The following CARD8 variants were observed in gnomAD, a reference collection of about 807,000 sequenced individuals.
The protein encoded by CARD8 is caspase recruitment domain-containing protein 8.
Under a neutral mutation model 53.2 loss-of-function variants are expected in CARD8, and 38 were observed. The observed-to-expected ratio is 0.71, with a 90% confidence interval of 0.55 to 0.94. The LOEUF (loss-of-function observed/expected upper bound fraction) is 0.94. CARD8 is among the 40% of genes least tolerant of loss of function. The pLI is 0.00. For missense variants in CARD8, 561 were observed against 655.5 expected (o/e 0.86, Z 1.57); for synonymous variants, 245 against 244.9 (o/e 1.00, Z 0.00).
chr19:48,238,541 A>T lies in CARD8; in HGVS notation c.60-9T>A. 6.5e-7 allele frequency: 1 copy of T among 1,536,104 alleles called. No homozygotes were observed. Among genetic ancestry groups the T allele is most frequent in the Non-Finnish European group, 8.7e-7 (1 of 1,146,830 alleles). ...TACTGGATCCACTGTCCCTGGGAAA[A>T]CACAAATGGAATTGGAATGTGAGCA... On this transcript the variant is annotated splice_polypyrimidine_tract_variant and intron_variant, in intron 4 of 13. Coordinates refer to ENST00000651546, the MANE Select transcript of CARD8 (RefSeq NM_001184900.3).
intron 12 of CARD8, 130 bp downstream of exon 12, chr19:48,218,741 T>C: frequency 9.7e-7 from 1 of 1,033,902 alleles, no homozygotes; most frequent in East Asian, 2.4e-5. Flanking sequence ...TCCATGTGTT[T>C]TAACACTGAC....
rs965708817 is a variant in CARD8 at position 48,249,536 on chromosome 19, C to T, written c.-57G>A. 6.6e-6 allele frequency: 1 copy of T among 152,274 alleles called. No individual in the cohort carries two copies. The highest frequency in any genetic ancestry group is 2.4e-5 in the African/African-American group (1 of 41,426). The allele number at this position is 152,274 out of a possible 1,614,324, so 9.4% of individuals were successfully genotyped here. A position where few individuals can be genotyped will look rare whatever the true frequency, so the allele number is the denominator to read the frequency against. The stretch of plus-strand genomic sequence containing the variant: ...TTTCCTACTCACATTGAAGATGGCC[C>T]AGATGCTTGCACTAACCGCGTTTAC... On this transcript the variant is annotated 5_prime_UTR_variant, in exon 3 of 14. Coordinates refer to ENST00000651546, the MANE Select transcript of CARD8 (RefSeq NM_001184900.3).
chr19:48,231,623 G>A (rs1172946518), intron 8 of CARD8, 37 bp downstream of exon 8: 1 of 1,553,856 alleles, frequency 6.4e-7, no homozygotes, highest in African/African-American at 1.4e-5. Flanking sequence ...CTTTATATCA[G>A]AGTGGTTTTC....
chr19:48,204,408 G>A (rs2015209), downstream of CARD8, among the ~76,000 whole-genome samples: 55,072 of 151,632 alleles, frequency 0.36, 10,148 homozygotes, highest in East Asian at 0.52. Context: ...GAGTGTTTTG[G>A]TGAATTCCTA....
At chr19:48,241,401 A>G (rs1021637464) in intron 3 of CARD8, among the ~76,000 whole-genome samples, 4 of 152,118 alleles carry the variant, frequency 2.6e-5, no homozygotes, top group Admixed American at 2.0e-4. Context: ...GATTACAGGC[A>G]TGCGCCACCA....
chr19:48,242,703 T>G (rs2045406771), intron 3 of CARD8: 1 of 152,206 alleles, frequency 6.6e-6, no homozygotes, highest in South Asian at 2.1e-4. Context: ...GGACAGATTA[T>G]TTCCTTCTCT....
chr19:48,213,777 A>G lies in CARD8; in HGVS notation c.1348+1563T>C, dbSNP rs182424277. Among the ~76,000 whole-genome samples the G allele has an allele frequency of 2.7e-3, 406 of 152,330 alleles. 5 individuals are homozygous for G. The highest frequency in any genetic ancestry group is 3.8e-3 in the Non-Finnish European group (260 of 68,028). On this transcript the variant is annotated intron_variant, in intron 13 of 13. Transcript: ENST00000651546. ...GATATCTGCTCTTCACTTTTACAACAGCCCCACCGTTCCCCACTTCCTATT... is the reference window on the plus strand; with the variant it reads ...GATATCTGCTCTTCACTTTTACAACGGCCCCACCGTTCCCCACTTCCTATT...
intron 5 of CARD8, among the ~76,000 whole-genome samples, chr19:48,236,340 A>G (rs2043873227): frequency 1.3e-5 from 2 of 151,948 alleles, no homozygotes; most frequent in Admixed American, 6.6e-5. Context: ...AGCGTCCCCA[A>G]TAGCTGGGAT....
chr19:48,247,639 A>G (rs2046331596), intron 3 of CARD8, among the ~76,000 whole-genome samples: 1 of 151,998 alleles, frequency 6.6e-6, no homozygotes, highest in South Asian at 2.1e-4. Flanking sequence ...TGGGGAGCAG[A>G]CTATGTGAAT....
Position 48,210,187 on chromosome 19 carries a change from G to A in CARD8, c.*1523C>T, listed in dbSNP as rs113517327. The A allele has an allele frequency of 2.6e-5, 4 of 152,160 alleles. 1 individual carries two copies. The highest frequency in any genetic ancestry group is 9.6e-5 in the African/African-American group (4 of 41,530). 9.4% of individuals were successfully genotyped at this position (152,160 alleles called of 1,614,324 possible). ...CTGCAGATTTCTCATCAGGAAATAC[G>A]GAAGCTAAAAGGAAACTGCTGAACA... On this transcript the variant is annotated 3_prime_UTR_variant, in exon 14 of 14. Transcript: ENST00000651546.
chr19:48,210,763 A>AT lies in CARD8; in HGVS notation c.*946dup, dbSNP rs1230591784. The AT allele has an allele frequency of 3.3e-5, 5 of 152,282 alleles. No individual in the cohort carries two copies. Among genetic ancestry groups the AT allele is most frequent in the African/African-American group, 9.6e-5 (4 of 41,472 alleles). The allele number at this position is 152,282 out of a possible 1,614,324, so 9.4% of individuals were successfully genotyped here. ...TATCAGAATGGGTTCAAAATACACC[A>AT]TAAAAAAAACTGACTCAACCAGATG... is the stretch of plus-strand genomic sequence containing the variant. On this transcript the variant is annotated 3_prime_UTR_variant, in exon 14 of 14. Transcript: ENST00000651546.
intron 10 of CARD8, among the ~76,000 whole-genome samples, chr19:48,225,975 C>A (rs2041691283): frequency 6.7e-6 from 1 of 150,132 alleles, no homozygotes; most frequent in Non-Finnish European, 1.5e-5. Context: ...ATTGTTTGAA[C>A]CTGGGAGACG....
chr19:48,240,930 C>G (rs2044904298), intron 4 of CARD8, 32 bp downstream of exon 4: 1 of 1,510,778 alleles, frequency 6.6e-7, no homozygotes, highest in Non-Finnish European at 8.9e-7. Context: ...AATCAGCCAT[C>G]AGGAGCCCTC....
At position 48,231,831 on chromosome 19, in the gene CARD8, A is replaced by G. The variant is rs1351462835; in HGVS notation, c.392-21T>C. 7 of 1,611,724 alleles carry G rather than the reference A, an allele frequency of 4.3e-6. No individual in the cohort carries two copies. In the African/African-American group the frequency reaches 9.3e-5, roughly 22 times the overall value. ...GTCTCCTGAAAAGAAAATACTAGACATGTAAGAGGTAAAGGGTTGGAAGAG... is the reference window on the plus strand; with the variant it reads ...GTCTCCTGAAAAGAAAATACTAGACGTGTAAGAGGTAAAGGGTTGGAAGAG... On this transcript the variant is annotated intron_variant, in intron 7 of 13. Coordinates refer to ENST00000651546, the MANE Select transcript of CARD8 (RefSeq NM_001184900.3).
At chr19:48,216,539 T>A (rs2039340840) in intron 12 of CARD8, among the ~76,000 whole-genome samples, 1 of 152,206 alleles carries the variant, frequency 6.6e-6, no homozygotes, top group East Asian at 1.9e-4. Context: ...CCCTGCAATG[T>A]GCCTGGAAAC....
intron 3 of CARD8, among the ~76,000 whole-genome samples, chr19:48,247,479 T>G (rs1033200600): frequency 6.6e-6 from 1 of 152,122 alleles, no homozygotes. Context: ...TACTGAATTA[T>G]CACTAAGATC....
rs1354459757 is a variant in CARD8, at chr19:48,209,522, A to G, written c.*2188T>C. 1 of 152,216 alleles carries G rather than the reference A, an allele frequency of 6.6e-6. No homozygotes were observed. The highest frequency in any genetic ancestry group is 6.5e-5 in the Admixed American group (1 of 15,286). 9.4% of individuals were successfully genotyped at this position (152,216 alleles called of 1,614,324 possible). On this transcript the variant is annotated 3_prime_UTR_variant, in exon 14 of 14. Coordinates refer to ENST00000651546, the MANE Select transcript of CARD8 (RefSeq NM_001184900.3). ...GACAAATTAAAATTACCCAATCAGAATAATGGAAAAAATGAAAAGATGTTC... is the reference window on the plus strand; with the variant it reads ...GACAAATTAAAATTACCCAATCAGAGTAATGGAAAAAATGAAAAGATGTTC...
At chr19:48,226,009 C>T (rs1372241959) in intron 10 of CARD8, among the ~76,000 whole-genome samples, 2 of 144,252 alleles carry the variant, frequency 1.4e-5, no homozygotes, top group South Asian at 4.4e-4. Context: ...GCTGAGATCA[C>T]GCCCACTGCA....
intron 13 of CARD8, among the ~76,000 whole-genome samples, 161 bp from the exon 14 acceptor site, chr19:48,212,136 T>C (rs1032355863): frequency 1.3e-5 from 2 of 152,240 alleles, no homozygotes; most frequent in African/African-American, 2.4e-5. Context: ...AGAGCAAATA[T>C]ACCCTTTGCA....
Sources: gnomAD v4.1 joint callset for allele counts (sites outside exome capture counted in the v4.1 genomes callset) on GRCh38, gnomAD v4.1.1 for gene constraint, MANE v1.5 for transcripts, NCBI Gene and HGNC (gene_info 2026-07-23, HGNC 2026-07-21) for gene names.